Variants in MARK3 observed in about 807,000 individuals in gnomAD.
MARK3 encodes MAP/microtubule affinity-regulating kinase 3.
MARK3 carries 46 observed loss-of-function variants against 90.1 expected under a neutral mutation model. The observed-to-expected ratio is 0.51, with a 90% CI of 0.40 to 0.65. The LOEUF is 0.65. Among genes scored for constraint, MARK3 ranks in the 30% least tolerant of loss-of-function variants. The pLI, the probability that MARK3 is intolerant of heterozygous loss-of-function variation, is 0.00. For synonymous variants in MARK3, 321 were observed against 332.6 expected, an observed-to-expected ratio of 0.97 and a Z score of 0.38; for missense variants, 818 against 947.2, an observed-to-expected ratio of 0.86 and a Z score of 1.79.
chr14:103,479,816 T>C (rs754443316), intron 13 of MARK3, among the ~76,000 whole-genome samples: 2 of 151,920 alleles, frequency 1.3e-5, no homozygotes, highest in Admixed American at 1.3e-4. Context: ...AATTTTGTAT[T>C]TTTAGCAGAG....
chr14:103,400,397 G>A (rs1335281584), intron 1 of MARK3, among the ~76,000 whole-genome samples: 1 of 152,146 alleles, frequency 6.6e-6, no homozygotes, highest in Non-Finnish European at 1.5e-5. Flanking sequence ...CCCTAAACAC[G>A]TGTTCAACTT....
chr14:103,397,663 A>C (rs911029320), intron 1 of MARK3, among the ~76,000 whole-genome samples: 32 of 152,104 alleles, frequency 2.1e-4, no homozygotes, highest in Admixed American at 1.6e-3. Flanking sequence ...GTGCCTTACA[A>C]GTTTTTTATT....
chr14:103,387,540 T>C (rs1388031612), intron 1 of MARK3, among the ~76,000 whole-genome samples: 3 of 152,180 alleles, frequency 2.0e-5, no homozygotes, highest in Non-Finnish European at 4.4e-5. Context: ...TCTCCCAGGC[T>C]GGAGTGCAGT....
At chr14:103,394,242 T>A (rs1338615947) in intron 1 of MARK3, among the ~76,000 whole-genome samples, 1 of 152,170 alleles carries the variant, frequency 6.6e-6, no homozygotes, top group Admixed American at 6.5e-5. Flanking sequence ...TTTTCAAATT[T>A]CAAATTAAAC....
In MARK3 at chr14:103,389,839, G is replaced by A. The variant is rs1183658229; in HGVS notation, c.51+3759G>A. 1.3e-4 allele frequency among the ~76,000 whole-genome samples: 20 copies of A among 151,242 alleles called. 1 individual carries two copies. The highest frequency in any genetic ancestry group is 2.8e-4 in the Non-Finnish European group (19 of 67,892). ...GGCACCTGTAATCCCAGCTACTTGG[G>A]AGGCTGAGGCTGGAGAATCGCTTGA... On this transcript the variant is annotated intron_variant, in intron 1 of 17. Coordinates refer to ENST00000429436, the MANE Select transcript of MARK3 (RefSeq NM_001128918.3).
At chr14:103,418,970 C>T (rs1034354005) in intron 2 of MARK3, among the ~76,000 whole-genome samples, 12 of 152,128 alleles carry the variant, frequency 7.9e-5, no homozygotes, top group African/African-American at 2.9e-4. Context: ...AGTTCTCAAA[C>T]GTTTCTGTCT....
chr14:103,447,763 T>A (rs1173270762), intron 3 of MARK3, among the ~76,000 whole-genome samples: 1 of 151,970 alleles, frequency 6.6e-6, no homozygotes, highest in Non-Finnish European at 1.5e-5. Flanking sequence ...CTGCTGGTCT[T>A]GGTTGGATGG....
At chr14:103,485,372 C>T (rs368976501) in intron 14 of MARK3, among the ~76,000 whole-genome samples, 5 of 148,994 alleles carry the variant, frequency 3.4e-5, no homozygotes, top group African/African-American at 1.2e-4. Context: ...CTCCTGGGCT[C>T]AAATGATCCT....
At chr14:103,491,638 T>C in intron 14 of MARK3, 139 bp from the exon 15 acceptor site, 1 of 802,424 alleles carries the variant, frequency 1.2e-6, no homozygotes, top group Non-Finnish European at 1.9e-6. Flanking sequence ...AACTTACCTT[T>C]TGCTCCTAAG....
chr14:103,455,465 G>A (rs982757734), intron 5 of MARK3, among the ~76,000 whole-genome samples: 1 of 152,140 alleles, frequency 6.6e-6, no homozygotes, highest in Non-Finnish European at 1.5e-5. Flanking sequence ...GGTGGCTCAC[G>A]CGTGTAATCC....
chr14:103,398,450 G>A (rs2090728689), intron 1 of MARK3, among the ~76,000 whole-genome samples: 1 of 152,114 alleles, frequency 6.6e-6, no homozygotes, highest in East Asian at 1.9e-4. Flanking sequence ...TTGGCTTTGG[G>A]TGCATTCTTG....
intron 15 of MARK3, among the ~76,000 whole-genome samples, chr14:103,496,136 C>G (rs2075325191): frequency 6.6e-6 from 1 of 152,238 alleles, no homozygotes; most frequent in Non-Finnish European, 1.5e-5. Flanking sequence ...AGTGCCTCTG[C>G]CCTCAGGTTG....
intron 2 of MARK3, among the ~76,000 whole-genome samples, chr14:103,407,460 C>T (rs546041665): frequency 4.6e-5 from 7 of 152,038 alleles, no homozygotes; most frequent in Non-Finnish European, 7.4e-5. Flanking sequence ...TTCTGCTCAG[C>T]CCCGTTCCTA....
chr14:103,392,874 G>A (rs1186596578), intron 1 of MARK3, among the ~76,000 whole-genome samples: 3 of 151,794 alleles, frequency 2.0e-5, no homozygotes, highest in South Asian at 2.1e-4. Context: ...GCAGTGGCAC[G>A]ATCTCGCTCG....
intron 13 of MARK3, among the ~76,000 whole-genome samples, chr14:103,477,088 G>A (rs192455606): frequency 6.6e-6 from 1 of 152,300 alleles, no homozygotes; most frequent in African/African-American, 2.4e-5. Context: ...AAGGTAGTTA[G>A]CAACATTATT....
chr14:103,491,439 G>A (rs979414734), intron 14 of MARK3: 84 of 246,656 alleles, frequency 3.4e-4, no homozygotes, highest in African/African-American at 5.2e-4. Context: ...TATTTCTTTC[G>A]TATTGGCACA....
At chr14:103,402,766 T>C (rs1047082976) in intron 1 of MARK3, among the ~76,000 whole-genome samples, 2 of 152,104 alleles carry the variant, frequency 1.3e-5, no homozygotes, top group Admixed American at 1.3e-4. Context: ...GTCTTCAGTA[T>C]GTATGAAGAA....
chr14:103,411,404 C>CT (rs905715527), intron 2 of MARK3, among the ~76,000 whole-genome samples: 5 of 151,688 alleles, frequency 3.3e-5, no homozygotes, highest in African/African-American at 1.2e-4. Context: ...AGGGATCTGA[C>CT]TTTTTTTTTC....
At chr14:103,471,502 T>C (rs2093624357) in intron 12 of MARK3, among the ~76,000 whole-genome samples, 1 of 151,958 alleles carries the variant, frequency 6.6e-6, no homozygotes, top group Admixed American at 6.6e-5. Context: ...CTCATTGGAG[T>C]AGCTTTTTCA....
Sources: allele counts gnomAD v4.1 joint callset (sites outside exome capture counted in the v4.1 genomes callset), GRCh38; gene constraint gnomAD v4.1.1; transcripts MANE v1.5; gene names NCBI Gene and HGNC (gene_info 2026-07-23, HGNC 2026-07-21).